The following CNTNAP3B variants were observed in gnomAD, a reference collection of about 807,000 sequenced individuals.
The protein encoded by CNTNAP3B is contactin-associated protein-like 3B.
Under a neutral mutation model 108.9 loss-of-function variants are expected in CNTNAP3B, and 25 were observed. The observed-to-expected ratio is 0.23, with a 90% CI of 0.17 to 0.32. The LOEUF (loss-of-function observed/expected upper bound fraction) is 0.32, where lower values mean the gene tolerates loss of function less well. Ranked by LOEUF, CNTNAP3B falls within the 10% of genes least tolerant of loss-of-function variation. CNTNAP3B has a pLI of 1.00. For synonymous variants in CNTNAP3B, 103 were observed against 473.4 expected (o/e 0.22, Z 10.16); for missense variants, 252 against 1,210.4 (o/e 0.21, Z 11.75).
intron 13 of CNTNAP3B, among the ~76,000 whole-genome samples, chr9:41,939,735 C>T (rs964353364): frequency 6.6e-6 from 1 of 152,380 alleles, no homozygotes; most frequent in African/African-American, 2.4e-5. Context: ...AAATTTACAT[C>T]TAAATCTCCC....
At chr9:42,119,402 G>T (rs1488738097) in intron 1 of CNTNAP3B, among the ~76,000 whole-genome samples, 3 of 132,648 alleles carry the variant, frequency 2.3e-5, no homozygotes, top group African/African-American at 6.1e-5. Flanking sequence ...TGGCCATACT[G>T]CCCAAGGTAA....
intron 3 of CNTNAP3B, among the ~76,000 whole-genome samples, chr9:42,066,472 G>A (rs1365745841): frequency 1.1e-4 from 11 of 102,212 alleles, no homozygotes; most frequent in Non-Finnish European, 2.1e-4. Context: ...TGTTGCCCAG[G>A]TTAGAGAGCA....
intron 3 of CNTNAP3B, among the ~76,000 whole-genome samples, chr9:42,037,481 A>G (rs1307433212): frequency 7.7e-6 from 1 of 129,958 alleles, no homozygotes; most frequent in East Asian, 2.4e-4. Context: ...CACATGACGC[A>G]TGTACGAGCT....
chr9:41,979,109 G>C (rs994206757), intron 9 of CNTNAP3B, among the ~76,000 whole-genome samples: 1 of 135,048 alleles, frequency 7.4e-6, no homozygotes, highest in Non-Finnish European at 1.6e-5. Context: ...GTCTTCCTGA[G>C]GCGTTGTTCC....
intron 1 of CNTNAP3B, among the ~76,000 whole-genome samples, chr9:42,110,737 G>A (rs1280861123): frequency 2.1e-4 from 29 of 136,290 alleles, no homozygotes; most frequent in Non-Finnish European, 3.7e-4. Context: ...TGGATACGGC[G>A]CTATTCCATT....
intron 10 of CNTNAP3B, among the ~76,000 whole-genome samples, chr9:41,966,604 C>G (rs1825283232): frequency 6.6e-6 from 1 of 152,280 alleles, no homozygotes; most frequent in Non-Finnish European, 1.5e-5. Flanking sequence ...ACTGGAAGCT[C>G]TGCCATGTGG....
intron 3 of CNTNAP3B, among the ~76,000 whole-genome samples, chr9:42,032,021 G>A (rs1826530847): frequency 7.6e-6 from 1 of 130,878 alleles, no homozygotes; most frequent in South Asian, 2.5e-4. Flanking sequence ...CTGAGAGCAG[G>A]CGGAGGAGGT....
At chr9:41,961,165 G>A (rs1360001617) in intron 11 of CNTNAP3B, among the ~76,000 whole-genome samples, 3 of 152,308 alleles carry the variant, frequency 2.0e-5, no homozygotes, top group Non-Finnish European at 2.9e-5. Context: ...CGGTCACAGT[G>A]TATTTCTATT....
intron 3 of CNTNAP3B, among the ~76,000 whole-genome samples, chr9:42,030,781 AGAGATGTGTGC>A (rs1175765996): frequency 1.1e-4 from 12 of 110,408 alleles, no homozygotes; most frequent in Non-Finnish European, 1.4e-4. Context: ...AGAGAGAGAG[AGAGATGTGTGC>A]GAGAGAGAGA....
intron 9 of CNTNAP3B, among the ~76,000 whole-genome samples, chr9:41,977,158 AG>A (rs1201909589): frequency 6.8e-6 from 1 of 148,102 alleles, no homozygotes; most frequent in Non-Finnish European, 1.5e-5. Context: ...ATAACTCAAA[AG>A]CATTTCTCAC....
At chr9:41,928,461 G>C (rs1908832) in intron 15 of CNTNAP3B, among the ~76,000 whole-genome samples, 6 of 151,792 alleles carry the variant, frequency 4.0e-5, no homozygotes, top group Non-Finnish European at 8.8e-5. Flanking sequence ...AGTACACATC[G>C]ATAGTGATGT....
chr9:42,087,062 T>A (rs1827718335), intron 2 of CNTNAP3B, among the ~76,000 whole-genome samples: 1 of 140,138 alleles, frequency 7.1e-6, no homozygotes, highest in African/African-American at 2.7e-5. Context: ...AAGTATTTTA[T>A]TTTTTAATGC....
At chr9:41,924,721 C>G (rs1360770916) in intron 15 of CNTNAP3B, among the ~76,000 whole-genome samples, 2 of 151,696 alleles carry the variant, frequency 1.3e-5, no homozygotes, top group Non-Finnish European at 1.5e-5. Context: ...CAAGAACAAT[C>G]AAGAACAAGA....
chr9:41,933,978 T>A (rs1824059783), intron 14 of CNTNAP3B, among the ~76,000 whole-genome samples: 2 of 137,242 alleles, frequency 1.5e-5, no homozygotes, highest in Admixed American at 1.5e-4. Context: ...ATATGGCTGC[T>A]ATATCAAGTT....
At chr9:42,089,214 A>G (rs1322259677) in intron 2 of CNTNAP3B, among the ~76,000 whole-genome samples, 1 of 112,372 alleles carries the variant, frequency 8.9e-6, no homozygotes, top group Non-Finnish European at 1.8e-5. Flanking sequence ...AGGGGAGGGG[A>G]GGGGAGAAGA....
chr9:41,990,230 G>C lies in CNTNAP3B; in HGVS notation c.1333+1380C>G, dbSNP rs1330531431. ...ATCTGTACTTATTTCCCTAACACTG[G>C]TTCTCTCATCAATGAGTTAAAGAAA... is the stretch of plus-strand genomic sequence containing the variant. On this transcript the variant is annotated intron_variant, in intron 8 of 23. Transcript: ENST00000377561. Among the ~76,000 whole-genome samples the C allele has an allele frequency of 4.4e-5, 6 of 136,936 alleles. 1 individual carries two copies. Among genetic ancestry groups the C allele is most frequent in the Non-Finnish European group, 6.2e-5 (4 of 64,478 alleles). The allele number at this position is 136,936 out of a possible 152,430, so 89.8% of individuals were successfully genotyped here.
At chr9:41,921,649 G>A (rs1428546639) in intron 17 of CNTNAP3B, among the ~76,000 whole-genome samples, 1 of 152,304 alleles carries the variant, frequency 6.6e-6, no homozygotes, top group African/African-American at 2.4e-5. Flanking sequence ...TTCCCAAGGG[G>A]AAAAATAAAC....
intron 14 of CNTNAP3B, among the ~76,000 whole-genome samples, chr9:41,933,815 A>T (rs1412616506): frequency 6.6e-6 from 1 of 152,260 alleles, no homozygotes; most frequent in Admixed American, 6.5e-5. Flanking sequence ...AAAGTTATAT[A>T]TTCATTATTG....
At position 42,121,361 on chromosome 9, in the gene CNTNAP3B, G is replaced by C. The variant is rs1318452599; in HGVS notation, c.85+7649C>G. 1.4e-5 allele frequency among the ~76,000 whole-genome samples: 2 copies of C among 139,174 alleles called. 1 individual carries two copies. Among genetic ancestry groups the C allele is most frequent in the Non-Finnish European group, 3.1e-5 (2 of 65,010 alleles). The allele number at this position is 139,174 out of a possible 152,430, so 91.3% of individuals were successfully genotyped here. ...GCTACCTGCACAAACGCCCATCACA[G>C]GCTCAGCTTTCTAAGAAAACTCTGG... On this transcript the variant is annotated intron_variant, in intron 1 of 23. Coordinates refer to ENST00000377561, the MANE Select transcript of CNTNAP3B (RefSeq NM_001201380.3).
Sources: gnomAD v4.1 joint callset for allele counts (sites outside exome capture counted in the v4.1 genomes callset) on GRCh38, gnomAD v4.1.1 for gene constraint, MANE v1.5 for transcripts, NCBI Gene and HGNC (gene_info 2026-07-23, HGNC 2026-07-21) for gene names.